Variants in SYNE1 observed in about 807,000 individuals in gnomAD.
SYNE1 encodes the protein nesprin-1.
Under a neutral mutation model 1,111.0 loss-of-function variants are expected in SYNE1, and 616 were observed. The ratio of observed to expected loss-of-function variants is 0.55; its 90% CI spans 0.52 to 0.59. SYNE1 has a LOEUF of 0.59. Ranked by LOEUF, SYNE1 falls within the 20% of genes least tolerant of loss-of-function variation. The probability of loss-of-function intolerance (pLI) is 0.00; values close to 1 mark genes in which losing one functional copy is unlikely to be tolerated. For missense variants in SYNE1, 10,006 were observed against 10,417.0 expected (o/e 0.96, Z 1.72); for synonymous variants, 3,855 against 3,825.8 (o/e 1.01, Z -0.28).
intron 142 of SYNE1, 186 bp from the exon 143 acceptor site, chr6:152,133,674 T>G (rs2056381761): frequency 4.7e-6 from 3 of 634,732 alleles, no homozygotes; most frequent in East Asian, 2.7e-5. Context: ...GCCAAAAATA[T>G]TCTATAAGAC....
At chr6:152,460,208 G>A (rs2098722988) in intron 21 of SYNE1, among the ~76,000 whole-genome samples, 1 of 152,168 alleles carries the variant, frequency 6.6e-6, no homozygotes, top group South Asian at 2.1e-4. Flanking sequence ...AGCTGCTGGG[G>A]AGTTATCAAA....
chr6:152,180,154 C>CTA lies in SYNE1; in HGVS notation c.23441_23442insTA (p.Met7814IlefsTer3), dbSNP rs769035976. ...TCCATACCTTCTTGAGCTTCTCTATCATTTCTTCAATGAGAATGTCTCCAT... is the reference window on the plus strand; with the variant it reads ...TCCATACCTTCTTGAGCTTCTCTATCTAATTTCTTCAATGAGAATGTCTCCAT... On this transcript the variant is annotated frameshift_variant, in exon 129 of 146. Transcript: ENST00000367255. LOFTEE classifies it high-confidence loss of function. 6.2e-7 allele frequency: 1 copy of CTA among 1,614,092 alleles called. No homozygotes were observed. The highest frequency in any genetic ancestry group is 8.5e-7 in the Non-Finnish European group (1 of 1,179,998).
Position 152,217,654 on chromosome 6 carries a change from T to C in SYNE1, c.22191+603A>G, listed in dbSNP as rs2153451609. ...AGGAGTAGATTGAGCTAGGAGTAGA[T>C]GATGTTAGAAACAGAGACGAGAGGT... is the stretch of plus-strand genomic sequence containing the variant. On this transcript the variant is annotated intron_variant, in intron 121 of 145. Coordinates refer to ENST00000367255, the MANE Select transcript of SYNE1 (RefSeq NM_182961.4). Among the ~76,000 whole-genome samples, 6 of 151,936 alleles carry C rather than the reference T, an allele frequency of 3.9e-5. 1 individual carries two copies. In the Middle Eastern group the frequency reaches 0.02, roughly 517 times the overall value.
intron 95 of SYNE1, among the ~76,000 whole-genome samples, chr6:152,291,210 AATTATATTAATATGATATATTAATATATG>A: frequency 2.2e-5 from 2 of 92,748 alleles, no homozygotes; most frequent in African/African-American, 8.4e-5. Context: ...TAATATATGC[AATTATATTAATATGATATATTAATATATG>A]CAATTATATT....
intron 8 of SYNE1, among the ~76,000 whole-genome samples, chr6:152,505,765 G>C (rs908330918): frequency 6.6e-6 from 1 of 152,086 alleles, no homozygotes; most frequent in African/African-American, 2.4e-5. Context: ...AAAAATGTCT[G>C]AAAAAATTTT....
At chr6:152,301,792 C>T (rs772417788) in intron 92 of SYNE1, 77 bp downstream of exon 92, 22 of 1,458,820 alleles carry the variant, frequency 1.5e-5, no homozygotes, top group Non-Finnish European at 2.0e-5. Context: ...CTGAAATCAG[C>T]CACGGAGAGG....
In SYNE1 at chr6:152,442,136, T is replaced by C; in HGVS notation, c.3947A>G (p.Lys1316Arg). The C allele has an allele frequency of 6.2e-7, 1 of 1,614,018 alleles. No homozygotes were observed. Among genetic ancestry groups the C allele is most frequent in the Non-Finnish European group, 8.5e-7 (1 of 1,180,032 alleles). The change falls in exon 31 of 146, where the codon AAG (lysine) becomes AGG (arginine). Residue 1316 changes from lysine (K) to arginine (R), a missense_variant. Physicochemically the swap from Lys to Arg is conservative, Grantham distance 26 (BLOSUM62 2). Transcript: ENST00000367255. ...CAGGCCATCCAGTGTGCTCTCCAGC[T>C]TCCGCAGCTCCTCGTGGCCTCGGTC... Reference protein sequence around the residue: ...LPDRGHEELRKLESTLDGLER... With the variant: ...LPDRGHEELRRLESTLDGLER...
intron 95 of SYNE1, among the ~76,000 whole-genome samples, chr6:152,289,131 A>G (rs2094462879): frequency 6.6e-6 from 1 of 152,208 alleles, no homozygotes; most frequent in South Asian, 2.1e-4. Context: ...AAATTTAGCC[A>G]TCAAATATGT....
intron 3 of SYNE1, among the ~76,000 whole-genome samples, chr6:152,540,233 A>C (rs187128576): frequency 6.6e-6 from 1 of 152,306 alleles, no homozygotes; most frequent in Admixed American, 6.5e-5. Context: ...ATGCTTTAAA[A>C]TTTGCCATTT....
At position 152,319,014 on chromosome 6, in the gene SYNE1, A is replaced by C; in HGVS notation, c.16238T>G (p.Ile5413Ser). 6.2e-7 allele frequency: 1 copy of C among 1,613,980 alleles called. No individual in the cohort carries two copies. Among genetic ancestry groups the C allele is most frequent in the Non-Finnish European group, 8.5e-7 (1 of 1,179,976 alleles). ...VALDLKIRDQ[I>S]QDKIKEVEQS... ...CTCAACTTCTTTTATTTTGTCTTGG[A>C]TCTAAAAAAATCAGTAAGAACAGCA... The change falls in exon 85 of 146, where the codon ATC becomes AGC. Residue 5413 changes from isoleucine (I) to serine (S), a missense_variant and splice_region_variant. Coordinates refer to ENST00000367255, the MANE Select transcript of SYNE1 (RefSeq NM_182961.4).
Position 152,262,162 on chromosome 6 carries a change from T to G in SYNE1, c.18842A>C (p.Glu6281Ala), listed in dbSNP as rs965275563. The G allele has an allele frequency of 3.7e-6, 6 of 1,613,660 alleles. No homozygotes were observed. The highest frequency in any genetic ancestry group is 1.7e-5 in the Admixed American group (1 of 59,976). The stretch of plus-strand genomic sequence containing the variant: ...TGATTTCTCCCCTTCCATCCCCAAC[T>G]CCTGGGATAACACATCAGGTTTTTC... ...AGEKPDVLSQ[E>A]LGMEGEKSSA... The change falls in exon 101 of 146, where the codon GAG becomes GCG. Residue 6281 changes from glutamate (E) to alanine (A), a missense_variant. Physicochemically the swap from Glu to Ala is moderately radical, Grantham distance 107. Around this residue, in one of 7 missense-constraint regions of SYNE1, gnomAD observed 2,182 missense variants for 2,287.8 expected, o/e 0.95. Coordinates refer to ENST00000367255, the MANE Select transcript of SYNE1 (RefSeq NM_182961.4).
At chr6:152,457,751 A>C (rs2098705077) in intron 22 of SYNE1, among the ~76,000 whole-genome samples, 1 of 151,810 alleles carries the variant, frequency 6.6e-6, no homozygotes, top group Non-Finnish European at 1.5e-5. Flanking sequence ...CTATCTATCT[A>C]TCTGTTTTCA....
intron 126 of SYNE1, among the ~76,000 whole-genome samples, chr6:152,204,796 C>T (rs1448344463): frequency 6.6e-6 from 1 of 152,088 alleles, no homozygotes; most frequent in East Asian, 1.9e-4. Context: ...TGGATGTTTT[C>T]TACACCAACA....
intron 95 of SYNE1, among the ~76,000 whole-genome samples, chr6:152,293,323 C>A (rs2094701443): frequency 6.6e-6 from 1 of 152,186 alleles, no homozygotes; most frequent in African/African-American, 2.4e-5. Flanking sequence ...TAAAAAGCAA[C>A]ATAAATGCAT....
chr6:152,133,264 T>C lies in SYNE1; in HGVS notation c.26001+12A>G. ...AAGAAATGCTACACGATGATGTCTG[T>C]TTATTGCTTACCTGCTGACTACTTG... is the stretch of plus-strand genomic sequence containing the variant. On this transcript the variant is annotated intron_variant, in intron 143 of 145. Transcript: ENST00000367255. 1 of 1,612,494 alleles carries C rather than the reference T, an allele frequency of 6.2e-7. No individual in the cohort carries two copies. The highest frequency in any genetic ancestry group is 8.5e-7 in the Non-Finnish European group (1 of 1,178,532).
At position 152,413,531 on chromosome 6, in the gene SYNE1, C is replaced by A. The variant is rs1592188213; in HGVS notation, c.6051G>T (p.Arg2017Ser). Residue 2017 changes from arginine to serine, a missense_variant and splice_region_variant, in exon 42 of 146, where the codon AGG (arginine) becomes AGT (serine). Physicochemically the swap from Arg to Ser is moderately radical, Grantham distance 110. This residue lies in a region of SYNE1 where 4,955 missense variants were observed against 5,017.2 expected (regional missense o/e 0.99). Coordinates refer to ENST00000367255, the MANE Select transcript of SYNE1 (RefSeq NM_182961.4). ...KEPTRQALQQ[R>S]LRVFNQLEDE... ...CTTCTAGCTGATTAAACACTCTTAA[C>A]CTGTGAATTAAAATGTTATTTTCCT... 1 of 1,613,738 alleles carries A rather than the reference C, an allele frequency of 6.2e-7. No individual in the cohort carries two copies. The highest frequency in any genetic ancestry group is 1.1e-5 in the South Asian group (1 of 91,056).
rs537909749 is a variant in SYNE1 at position 152,610,805 on chromosome 6, A to T, written c.67+17460T>A. ...ACTAACAGTGGATCTCTCAGCAGAA[A>T]CCCTACCAGCCAGAAGAGAGTGGGG... On this transcript the variant is annotated intron_variant, in intron 3 of 145. Transcript: ENST00000367255. 7.6e-4 allele frequency among the ~76,000 whole-genome samples: 115 copies of T among 152,292 alleles called. 2 individuals are homozygous for T. The highest frequency in any genetic ancestry group is 6.8e-3 in the Middle Eastern group (2 of 294).
intron 59 of SYNE1, among the ~76,000 whole-genome samples, chr6:152,371,980 A>T (rs983392216): frequency 1.3e-5 from 2 of 151,848 alleles, no homozygotes; most frequent in African/African-American, 4.9e-5. Context: ...AGAGAAAGGA[A>T]GGGAAAAAGG....
chr6:152,395,475 A>G (rs944561878), intron 51 of SYNE1, 41 bp downstream of exon 51: 3 of 1,593,552 alleles, frequency 1.9e-6, no homozygotes, highest in African/African-American at 2.7e-5. Flanking sequence ...AGTCTAAAAC[A>G]TGGTAAGAGG....
Sources: allele counts gnomAD v4.1 joint callset (sites outside exome capture counted in the v4.1 genomes callset), GRCh38; gene constraint gnomAD v4.1.1; regional missense constraint gnomAD v4.1.1; transcripts MANE v1.5; gene names NCBI Gene and HGNC (gene_info 2026-07-23, HGNC 2026-07-21).